The following KIAA1671 variants were observed in gnomAD, a reference collection of about 807,000 sequenced individuals.
The protein encoded by KIAA1671 is KIAA1671.
KIAA1671 carries 52 observed loss-of-function variants against 131.2 expected under a neutral mutation model. The ratio of observed to expected loss-of-function variants is 0.40; its 90% CI spans 0.32 to 0.50. The LOEUF is 0.50. Ranked by LOEUF, KIAA1671 falls within the 20% of genes least tolerant of loss-of-function variation. The probability of loss-of-function intolerance (pLI) is 0.73; values close to 1 mark genes in which losing one functional copy is unlikely to be tolerated. For missense variants in KIAA1671, 2,360 were observed against 2,364.2 expected (o/e 1.00, Z 0.04); for synonymous variants, 1,003 against 961.6 (o/e 1.04, Z -0.80).
chr22:25,168,225 T>C (rs958624029), intron 6 of KIAA1671, among the ~76,000 whole-genome samples: 1 of 152,202 alleles, frequency 6.6e-6, no homozygotes, highest in Admixed American at 6.5e-5. Flanking sequence ...ACAGAAACAT[T>C]GGAGCATCCC....
chr22:24,965,139 G>T (rs1034842239), intron 1 of KIAA1671, among the ~76,000 whole-genome samples: 1 of 151,478 alleles, frequency 6.6e-6, no homozygotes, highest in Non-Finnish European at 1.5e-5. Flanking sequence ...GGCTGGGGAC[G>T]GTGGCTCACA....
intron 6 of KIAA1671, among the ~76,000 whole-genome samples, chr22:25,075,534 C>T (rs1410968620): frequency 6.6e-6 from 1 of 151,916 alleles, no homozygotes; most frequent in African/African-American, 2.4e-5. Context: ...CTCTGTCACC[C>T]AGGCTGGAGT....
chr22:24,960,499 A>G (rs1035678926), intron 1 of KIAA1671, among the ~76,000 whole-genome samples: 4 of 148,944 alleles, frequency 2.7e-5, no homozygotes, highest in African/African-American at 9.9e-5. Context: ...GTGAGCTGAG[A>G]TCGCGCCACT....
intron 6 of KIAA1671, chr22:25,057,411 C>G (rs1927905810): frequency 6.6e-6 from 1 of 152,214 alleles, no homozygotes; most frequent in Non-Finnish European, 1.5e-5. Context: ...CTGTTCCTTG[C>G]AAAGCCTCCC....
At chr22:24,969,330 G>C (rs923149279) in intron 1 of KIAA1671, among the ~76,000 whole-genome samples, 4 of 152,152 alleles carry the variant, frequency 2.6e-5, no homozygotes, top group African/African-American at 9.7e-5. Context: ...TGTAGTATTT[G>C]CATATAACCT....
At chr22:25,188,039 A>C (rs1041286367) in intron 11 of KIAA1671, among the ~76,000 whole-genome samples, 1 of 152,138 alleles carries the variant, frequency 6.6e-6, no homozygotes, top group African/African-American at 2.4e-5. Context: ...GGTGGCTCAC[A>C]CCTGTACTCC....
At chr22:25,080,126 G>T (rs968690198) in intron 6 of KIAA1671, among the ~76,000 whole-genome samples, 3 of 152,126 alleles carry the variant, frequency 2.0e-5, no homozygotes, top group Non-Finnish European at 2.9e-5. Context: ...AAAACTGCAG[G>T]GTAGAGGGTC....
chr22:25,093,713 A>T lies in KIAA1671; in HGVS notation c.4530+44349A>T, dbSNP rs1283289398. On this transcript the variant is annotated intron_variant, in intron 6 of 12. Coordinates refer to ENST00000358431, the MANE Select transcript of KIAA1671 (RefSeq NM_001145206.2). ...CACACACACACACACACACACACAC[A>T]CACACACACACACACACACACACAC... 1.6e-3 allele frequency among the ~76,000 whole-genome samples: 188 copies of T among 116,176 alleles called. 9 individuals are homozygous for T. Among genetic ancestry groups the T allele is most frequent in the African/African-American group, 9.0e-3 (158 of 17,470 alleles). 76.2% of individuals were successfully genotyped at this position (116,176 alleles called of 152,430 possible).
intron 1 of KIAA1671, among the ~76,000 whole-genome samples, chr22:24,978,700 TG>T (rs1569196930): frequency 6.6e-6 from 1 of 152,016 alleles, no homozygotes; most frequent in Non-Finnish European, 1.5e-5. Flanking sequence ...TGTTTTGTTT[TG>T]TTTTGAGAGT....
intron 6 of KIAA1671, among the ~76,000 whole-genome samples, chr22:25,076,643 T>A (rs370544861): frequency 6.6e-6 from 1 of 152,204 alleles, no homozygotes; most frequent in East Asian, 1.9e-4. Context: ...AGTTATTTAA[T>A]CTCCTTTGTT....
intron 1 of KIAA1671, among the ~76,000 whole-genome samples, chr22:24,974,812 C>T (rs962555019): frequency 6.6e-6 from 1 of 151,456 alleles, no homozygotes; most frequent in Non-Finnish European, 1.5e-5. Context: ...CCTGTCTCAG[C>T]CTCCCGAGTA....
intron 1 of KIAA1671, among the ~76,000 whole-genome samples, chr22:24,994,134 TTGGTAGTCAG>T (rs1236934129): frequency 6.6e-6 from 1 of 152,140 alleles, no homozygotes; most frequent in African/African-American, 2.4e-5. Flanking sequence ...CCTCATCATC[TTGGTAGTCAG>T]TGGTTTGCTG....
chr22:24,992,771 C>A (rs1012561398), intron 1 of KIAA1671, among the ~76,000 whole-genome samples: 1 of 133,776 alleles, frequency 7.5e-6, no homozygotes, highest in Non-Finnish European at 1.5e-5. Context: ...GCCAAGATCA[C>A]GCCATTGCAC....
chr22:25,001,180 TAC>T (rs1361205097), intron 1 of KIAA1671, among the ~76,000 whole-genome samples: 39 of 119,376 alleles, frequency 3.3e-4, no homozygotes, highest in African/African-American at 1.3e-3. Flanking sequence ...TGTGTATATA[TAC>T]GTGTGTATAT....
rs1926830851 is a variant in KIAA1671 at position 25,040,112 on chromosome 22, C to T, written c.2982C>T (p.His994=). ...ASALRKPQLS[H]YRVETQEVNP... ...CCTTAAGAAAACCTCAACTATCCCA[C>T]TACAGGGTGGAGACCCAGGAGGTGA... The change falls in exon 5 of 13, where the codon CAC becomes CAT. Residue 994 remains histidine, a synonymous_variant. Transcript: ENST00000358431. 1 of 1,551,720 alleles carries T rather than the reference C, an allele frequency of 6.4e-7. No individual in the cohort carries two copies. Among genetic ancestry groups the T allele is most frequent in the Non-Finnish European group, 8.7e-7 (1 of 1,147,006 alleles).
chr22:25,185,128 T>C lies in KIAA1671; in HGVS notation c.5342+9T>C. 6.5e-7 allele frequency: 1 copy of C among 1,538,358 alleles called. No homozygotes were observed. Among genetic ancestry groups the C allele is most frequent in the Non-Finnish European group, 8.8e-7 (1 of 1,140,068 alleles). On this transcript the variant is annotated intron_variant, in intron 11 of 12. Coordinates refer to ENST00000358431, the MANE Select transcript of KIAA1671 (RefSeq NM_001145206.2). ...ATGGACAAGGATGAGAGGTGAGGGG[T>C]CTTGGGGAATGGGGGTCCCTCTCCT...
intron 9 of KIAA1671, chr22:25,179,612 C>G: frequency 9.8e-7 from 1 of 1,024,932 alleles, no homozygotes; most frequent in Non-Finnish European, 1.4e-6. Context: ...CAGGGTGGCA[C>G]TCCCAAAAGT....
rs144288347 is a variant in KIAA1671 at position 25,002,992 on chromosome 22, G to A, written c.-207-22641G>A. Among the ~76,000 whole-genome samples the A allele has an allele frequency of 8.0e-3, 1,222 of 152,166 alleles. 22 individuals are homozygous for A. Among genetic ancestry groups the A allele is most frequent in the African/African-American group, 0.028 (1,149 of 41,514 alleles). On this transcript the variant is annotated intron_variant, in intron 1 of 12. Transcript: ENST00000358431. The stretch of plus-strand genomic sequence containing the variant: ...TTGCCATGTTGCCCAGGCTGGTCTC[G>A]AACTCCTGAGCTCAAAGTGATCCAT...
chr22:25,195,197 C>T lies in KIAA1671; in HGVS notation c.*2796C>T, dbSNP rs570422706. On this transcript the variant is annotated 3_prime_UTR_variant, in exon 13 of 13. Coordinates refer to ENST00000358431, the MANE Select transcript of KIAA1671 (RefSeq NM_001145206.2). ...CCCTCATTTCTCTTCCTCCTCACCT[C>T]CACCACCCCTTTGCACATCAGCATT... 2.0e-5 allele frequency: 3 copies of T among 149,382 alleles called. No homozygotes were observed. The East Asian group carries it at 5.8e-4, about 29-fold the overall frequency. The allele number at this position is 149,382 out of a possible 1,614,324, so 9.3% of individuals were successfully genotyped here.
Sources: allele counts gnomAD v4.1 joint callset (sites outside exome capture counted in the v4.1 genomes callset), GRCh38; gene constraint gnomAD v4.1.1; transcripts MANE v1.5; gene names NCBI Gene and HGNC (gene_info 2026-07-23, HGNC 2026-07-21).